SCRIB: variants seen among roughly 807,000 people sequenced by gnomAD.
SCRIB encodes the protein protein scribble homolog.
A neutral mutation model predicts 170.0 loss-of-function variants in SCRIB; 72 were observed. The ratio of observed to expected loss-of-function variants is 0.42; its 90% CI spans 0.35 to 0.52. The LOEUF is 0.52. Among genes scored for constraint, SCRIB ranks in the 20% least tolerant of loss-of-function variants. The pLI is 0.02. For synonymous variants in SCRIB, 1,298 were observed against 1,044.3 expected, an observed-to-expected ratio of 1.24 and a Z score of -4.68; for missense variants, 2,475 against 2,338.5, an observed-to-expected ratio of 1.06 and a Z score of -1.20.
chr8:143,795,294 C>G lies in SCRIB; in HGVS notation c.3754G>C (p.Glu1252Gln). ...LPGQTLHWGP[E>Q]ATEAAGRGLQ... ...ACACTCACTGCGGCTTCTGTGGCCT[C>G]GGGCCCCCAGTGCAGGGTCTGTCCA... The change falls in exon 26 of 37, where the codon GAG (glutamate) becomes CAG (glutamine). Residue 1252 changes from glutamate to glutamine, a missense_variant. Coordinates refer to ENST00000356994, the MANE Select transcript of SCRIB (RefSeq NM_182706.5). The G allele has an allele frequency of 6.2e-7, 1 of 1,612,662 alleles. No homozygotes were observed. Among genetic ancestry groups the G allele is most frequent in the Non-Finnish European group, 8.5e-7 (1 of 1,179,908 alleles).
chr8:143,814,123 G>A lies in SCRIB; in HGVS notation c.160-5C>T, dbSNP rs1376392516. On this transcript the variant is annotated splice_polypyrimidine_tract_variant and splice_region_variant and intron_variant, in intron 1 of 36. Coordinates refer to ENST00000356994, the MANE Select transcript of SCRIB (RefSeq NM_182706.5). ...GTTCAGCAGCCGGAAAAAAGGCTGT[G>A]GGCAGGGAGGACACGGACTCTGTGG... The A allele has an allele frequency of 1.3e-6, 2 of 1,551,460 alleles. No individual in the cohort carries two copies. The highest frequency in any genetic ancestry group is 2.7e-5 in the African/African-American group (2 of 73,064).
Position 143,813,291 on chromosome 8 carries a change from C to A in SCRIB, c.567+20G>T, listed in dbSNP as rs768601135. ...CCGTGGCCCGCCCTCCGGTCTCTGC[C>A]CTGTCAGGCCTCCACGCACCAGCAC... On this transcript the variant is annotated intron_variant, in intron 6 of 36. Transcript: ENST00000356994. The A allele has an allele frequency of 1.3e-5, 21 of 1,613,158 alleles. No individual in the cohort carries two copies. Among genetic ancestry groups the A allele is most frequent in the Non-Finnish European group, 1.5e-5 (18 of 1,179,906 alleles).
At chr8:143,802,614 G>A (rs1554635185) in intron 24 of SCRIB, among the ~76,000 whole-genome samples, 1 of 152,254 alleles carries the variant, frequency 6.6e-6, no homozygotes, top group Non-Finnish European at 1.5e-5. Context: ...CCACTCCAGT[G>A]GGAAGCCAGC....
In SCRIB at chr8:143,810,958, G is replaced by A. The variant is rs372537393; in HGVS notation, c.1221C>T (p.Gly407=). 26 of 1,611,624 alleles carry A rather than the reference G, an allele frequency of 1.6e-5. No individual in the cohort carries two copies. The highest frequency in any genetic ancestry group is 8.3e-5 in the Admixed American group (5 of 59,910). Residue 407 remains glycine, a synonymous_variant, in exon 11 of 37, where the codon GGC becomes GGT. Coordinates refer to ENST00000356994, the MANE Select transcript of SCRIB (RefSeq NM_182706.5). ...RFQTEDDART[G]EKVLTCYLLP... ...GCAAGTAGCAGGTGAGCACCTTCTC[G>A]CCGGTCCGGGCATCATCCTCCGTCT...
chr8:143,804,969 C>G lies in SCRIB; in HGVS notation c.2716G>C (p.Ala906Pro), dbSNP rs782451541. Residue 906 changes from alanine to proline, a missense_variant, in exon 20 of 37, where the codon GCG (alanine) becomes CCG (proline). By Grantham distance (27) the Ala-to-Pro change is conservative. Coordinates refer to ENST00000356994, the MANE Select transcript of SCRIB (RefSeq NM_182706.5). ...RIAEGGAAHRAGTLQVGDRVL... is the reference protein window; with the variant it reads ...RIAEGGAAHRPGTLQVGDRVL... Reference sequence around the variant, plus strand: ...CGGTCGCCAACCTGCAGTGTGCCCGCGCGGTGAGCAGCACCGCCCTCGGCA... The same window carrying G: ...CGGTCGCCAACCTGCAGTGTGCCCGGGCGGTGAGCAGCACCGCCCTCGGCA... 3 of 1,581,470 alleles carry G rather than the reference C, an allele frequency of 1.9e-6. No homozygotes were observed. Among genetic ancestry groups the G allele is most frequent in the Admixed American group, 1.8e-5 (1 of 56,810 alleles).
chr8:143,805,458 G>A (rs535624126), intron 18 of SCRIB, 23 bp from the exon 19 acceptor site: 17 of 1,459,826 alleles, frequency 1.2e-5, no homozygotes, highest in Middle Eastern at 1.8e-4. Flanking sequence ...GACCACGTGC[G>A]TATTCAGGAC....
chr8:143,804,216 G>A, intron 21 of SCRIB, 60 bp from the exon 22 acceptor site: 4 of 1,292,596 alleles, frequency 3.1e-6, no homozygotes, highest in Admixed American at 2.3e-5. Context: ...GGGTGTGGGA[G>A]GGCTCCCAAG....
intron 26 of SCRIB, 24 bp downstream of exon 26, chr8:143,795,253 A>AG (rs782705646): frequency 1.2e-6 from 2 of 1,612,162 alleles, no homozygotes; most frequent in Admixed American, 1.7e-5. Context: ...CCCTGATGTG[A>AG]GGGGGTGGGG....
Position 143,812,743 on chromosome 8 carries a change from C to T in SCRIB, c.787+74G>A. The T allele has an allele frequency of 3.2e-6, 5 of 1,538,856 alleles. No homozygotes were observed. In the South Asian group the frequency reaches 3.5e-5, roughly 11 times the overall value. ...CCTCCCCTGTGTTCCACACCACACA[C>T]AGCCCCGACGCCCCACGCTCCTCCC... On this transcript the variant is annotated intron_variant, in intron 8 of 36. Coordinates refer to ENST00000356994, the MANE Select transcript of SCRIB (RefSeq NM_182706.5).
Position 143,806,453 on chromosome 8 carries a change from C to A in SCRIB, c.2300G>T (p.Gly767Val). The change falls in exon 18 of 37, where the codon GGC (glycine) becomes GTC (valine). Residue 767 changes from glycine to valine, a missense_variant. Coordinates refer to ENST00000356994, the MANE Select transcript of SCRIB (RefSeq NM_182706.5). The stretch of plus-strand genomic sequence containing the variant: ...ACGGACTCCAGCCCGGGCCGCAGGG[C>A]CTTCCTCGGACACCCGAGAGATGAA... ...GIFISRVSEE[G>V]PAARAGVRVG... 6.2e-7 allele frequency: 1 copy of A among 1,605,340 alleles called. No homozygotes were observed. The highest frequency in any genetic ancestry group is 1.7e-5 in the Admixed American group (1 of 59,270).
At position 143,803,062 on chromosome 8, in the gene SCRIB, G is replaced by A. The variant is rs1815239120; in HGVS notation, c.3603+321C>T. The stretch of plus-strand genomic sequence containing the variant: ...CTTAGCAGCCTGATGGGACTCTGCA[G>A]GAGTCACCAGTGCTCAGCTTCTTTT... On this transcript the variant is annotated intron_variant, in intron 24 of 36. Coordinates refer to ENST00000356994, the MANE Select transcript of SCRIB (RefSeq NM_182706.5). Among the ~76,000 whole-genome samples the A allele has an allele frequency of 2.0e-5, 3 of 152,196 alleles. No homozygotes were observed. In the South Asian group the frequency reaches 6.2e-4, roughly 31 times the overall value.
rs782208683 is a variant in SCRIB at position 143,793,091 on chromosome 8, G to T, written c.3910-8C>A. ...AGAAGGCGGGGAGGGCGGCTGGGGGGTGGGGCTCTTGTGAGCTATGCTGGG... is the reference window on the plus strand; with the variant it reads ...AGAAGGCGGGGAGGGCGGCTGGGGGTTGGGGCTCTTGTGAGCTATGCTGGG... On this transcript the variant is annotated splice_region_variant and splice_polypyrimidine_tract_variant and intron_variant, in intron 28 of 36. Transcript: ENST00000356994. 2.0e-5 allele frequency: 29 copies of T among 1,431,978 alleles called. No homozygotes were observed. The highest frequency in any genetic ancestry group is 2.5e-5 in the Non-Finnish European group (27 of 1,081,946). The allele number at this position is 1,431,978 out of a possible 1,614,324, so 88.7% of individuals were successfully genotyped here.
At chr8:143,794,658 C>T (rs1376797513) in intron 27 of SCRIB, among the ~76,000 whole-genome samples, 4 of 152,078 alleles carry the variant, frequency 2.6e-5, no homozygotes, top group African/African-American at 9.7e-5. Flanking sequence ...CCTCCAGCTG[C>T]TCCAGCCTGT....
chr8:143,813,054 C>A lies in SCRIB; in HGVS notation c.618G>T (p.Arg206=). ...CCGGGGGCAGTGCTGACAGCTGGTT[C>A]CGGTCAAGCCACAGCTCCCGAAGAT... is the stretch of plus-strand genomic sequence containing the variant. ...LPNLRELWLD[R]NQLSALPPEL... The change falls in exon 7 of 37, where the codon CGG becomes CGT. Residue 206 remains arginine, a synonymous_variant. Transcript: ENST00000356994. 6.3e-7 allele frequency: 1 copy of A among 1,589,488 alleles called. No homozygotes were observed. The highest frequency in any genetic ancestry group is 8.6e-7 in the Non-Finnish European group (1 of 1,168,268).
intron 6 of SCRIB, 32 bp from the exon 7 acceptor site, chr8:143,813,136 T>A: frequency 6.4e-7 from 1 of 1,573,008 alleles, no homozygotes; most frequent in Non-Finnish European, 8.6e-7. Context: ...ATAGTGACTA[T>A]GAGGCAAAGC....
In SCRIB at chr8:143,805,209, C is replaced by T. The variant is rs782812033; in HGVS notation, c.2573G>A (p.Arg858His). 61 of 1,556,718 alleles carry T rather than the reference C, an allele frequency of 3.9e-5. 1 individual carries two copies. The highest frequency in any genetic ancestry group is 3.5e-4 in the Middle Eastern group (2 of 5,706). Reference sequence around the variant, plus strand: ...TGCCAGGCAGGCCACGTGGCGCTGACGGAGGGGCCCGGGGCTCTCAGGCGG... The same window carrying T: ...TGCCAGGCAGGCCACGTGGCGCTGATGGAGGGGCCCGGGGCTCTCAGGCGG... ...LLPPESPGPLRQRHVACLARS... is the reference protein window; with the variant it reads ...LLPPESPGPLHQRHVACLARS... The change falls in exon 19 of 37, where the codon CGT (arginine) becomes CAT (histidine). Residue 858 changes from arginine to histidine, a missense_variant. Arg to His is a conservative substitution (Grantham distance 29, BLOSUM62 0). This residue lies in a region of SCRIB where 1,966 missense variants were observed against 1,742.9 expected (regional missense o/e 1.13). Transcript: ENST00000356994.
rs782263050 is a variant in SCRIB at position 143,792,313 on chromosome 8, T to C, written c.4421A>G (p.Gln1474Arg). ...ERRHQERLRV[Q>R]SPEPPAPERA... The stretch of plus-strand genomic sequence containing the variant: ...CTCGGGTGCCGGTGGCTCCGGACTC[T>C]GCACGCGCAGCCGCTCCTGGTGGCG... The change falls in exon 32 of 37, where the codon CAG becomes CGG. Residue 1474 changes from glutamine (Q) to arginine (R), a missense_variant. By Grantham distance (43) the Gln-to-Arg change is conservative. Transcript: ENST00000356994. The C allele has an allele frequency of 8.4e-6, 13 of 1,553,720 alleles. No individual in the cohort carries two copies. Among genetic ancestry groups the C allele is most frequent in the Middle Eastern group, 1.7e-4 (1 of 5,718 alleles).
intron 28 of SCRIB, 91 bp downstream of exon 28, chr8:143,793,809 C>T: frequency 1.5e-6 from 2 of 1,315,890 alleles, no homozygotes; most frequent in South Asian, 2.5e-5. Context: ...CCCCTGACCC[C>T]CCATCCCTGG....
At chr8:143,802,194 G>C (rs1815204015) in intron 24 of SCRIB, among the ~76,000 whole-genome samples, 1 of 152,242 alleles carries the variant, frequency 6.6e-6, no homozygotes, top group Non-Finnish European at 1.5e-5. Context: ...AGGACAGGAG[G>C]GGACCCGGTG....
Sources: allele counts gnomAD v4.1 joint callset (sites outside exome capture counted in the v4.1 genomes callset), GRCh38; gene constraint gnomAD v4.1.1; regional missense constraint gnomAD v4.1.1; transcripts MANE v1.5; gene names NCBI Gene and HGNC (gene_info 2026-07-23, HGNC 2026-07-21).